Variants in HCN1 observed in about 807,000 individuals in gnomAD.
HCN1 encodes potassium/sodium hyperpolarization-activated cyclic nucleotide-gated channel 1.
HCN1 carries 13 observed loss-of-function variants against 78.9 expected under a neutral mutation model. The observed-to-expected ratio is 0.16, with a 90% CI of 0.11 to 0.26. The LOEUF (loss-of-function observed/expected upper bound fraction) is 0.26, where lower values mean the gene tolerates loss of function less well. HCN1 is among the 10% of genes least tolerant of loss of function. HCN1 has a pLI of 1.00. For missense variants in HCN1, 810 were observed against 1,154.3 expected (o/e 0.70, Z 4.32); for synonymous variants, 552 against 455.5 (o/e 1.21, Z -2.70).
intron 2 of HCN1, among the ~76,000 whole-genome samples, chr5:45,471,496 A>C (rs1007210027): frequency 1.3e-5 from 2 of 151,866 alleles, no homozygotes. Flanking sequence ...ACTCTTAAAA[A>C]GTTTAGTGTC....
intron 5 of HCN1, among the ~76,000 whole-genome samples, chr5:45,335,982 T>C (rs1223503153): frequency 6.6e-6 from 1 of 152,112 alleles, no homozygotes; most frequent in African/African-American, 2.4e-5. Context: ...TTATGTGTTA[T>C]ATAGCTGAAA....
intron 3 of HCN1, among the ~76,000 whole-genome samples, chr5:45,411,853 G>A (rs1248731281): frequency 2.0e-5 from 3 of 152,022 alleles, no homozygotes; most frequent in African/African-American, 4.8e-5. Context: ...AGTACTTTGG[G>A]TATGAAGCAC....
intron 2 of HCN1, among the ~76,000 whole-genome samples, chr5:45,613,758 A>G (rs931994013): frequency 3.9e-5 from 6 of 152,184 alleles, no homozygotes; most frequent in African/African-American, 1.4e-4. Flanking sequence ...ATGTGGAAGG[A>G]ATTCTTTAAT....
intron 2 of HCN1, among the ~76,000 whole-genome samples, chr5:45,504,111 A>C (rs974774470): frequency 9.9e-5 from 15 of 151,968 alleles, no homozygotes; most frequent in African/African-American, 2.4e-4. Flanking sequence ...TCTTCTTCTT[A>C]TTATTATACA....
chr5:45,494,110 A>C (rs1741966238), intron 2 of HCN1, among the ~76,000 whole-genome samples: 1 of 152,124 alleles, frequency 6.6e-6, no homozygotes, highest in Admixed American at 6.5e-5. Context: ...CTTTGGGTAT[A>C]TACCCAGTAA....
chr5:45,353,068 G>T (rs1436230187), intron 5 of HCN1, 32 bp downstream of exon 5: 1 of 1,544,906 alleles, frequency 6.5e-7, no homozygotes, highest in East Asian at 2.3e-5. Flanking sequence ...CAATGATTAT[G>T]TATTATGCAT....
intron 2 of HCN1, among the ~76,000 whole-genome samples, chr5:45,641,302 A>G (rs1480879842): frequency 6.6e-6 from 1 of 152,202 alleles, no homozygotes; most frequent in Non-Finnish European, 1.5e-5. Context: ...TTAGCTCCCT[A>G]TGGAATAAAT....
In HCN1 at chr5:45,295,617, A is replaced by G. The variant is rs558878858; in HGVS notation, c.1618+7982T>C. Among the ~76,000 whole-genome samples, 10 of 152,100 alleles carry G rather than the reference A, an allele frequency of 6.6e-5. No individual in the cohort carries two copies. In the South Asian group the frequency reaches 2.1e-3, roughly 32 times the overall value. On this transcript the variant is annotated intron_variant, in intron 6 of 7. Coordinates refer to ENST00000303230, the MANE Select transcript of HCN1 (RefSeq NM_021072.4). ...AAATCAAGTTATGCACAGAATTCAAAACTTTTGAGTTTGATCTTTCTTTAA... is the reference window on the plus strand; with the variant it reads ...AAATCAAGTTATGCACAGAATTCAAGACTTTTGAGTTTGATCTTTCTTTAA...
chr5:45,629,027 TATTATACA>T (rs1462244280), intron 2 of HCN1, among the ~76,000 whole-genome samples: 2 of 148,940 alleles, frequency 1.3e-5, no homozygotes, highest in Non-Finnish European at 3.0e-5. Flanking sequence ...AAAAAACATA[TATTATACA>T]ATTATTAAAG....
chr5:45,684,941 C>T (rs910519728), intron 1 of HCN1, among the ~76,000 whole-genome samples: 1 of 152,062 alleles, frequency 6.6e-6, no homozygotes, highest in Admixed American at 6.6e-5. Flanking sequence ...CCTCAAACAA[C>T]CTAGGTAGTG....
intron 5 of HCN1, among the ~76,000 whole-genome samples, chr5:45,311,655 G>A (rs1275148113): frequency 1.3e-5 from 2 of 152,144 alleles, no homozygotes; most frequent in African/African-American, 4.8e-5. Flanking sequence ...CCCATAAAAG[G>A]AACAGTTCGA....
chr5:45,372,722 T>C (rs1747437998), intron 4 of HCN1, among the ~76,000 whole-genome samples: 1 of 143,162 alleles, frequency 7.0e-6, no homozygotes, highest in East Asian at 2.1e-4. Context: ...TATAAAAATA[T>C]ATACGTATTT....
intron 3 of HCN1, among the ~76,000 whole-genome samples, chr5:45,449,944 C>T (rs574968320): frequency 2.6e-4 from 39 of 152,160 alleles, no homozygotes; most frequent in African/African-American, 7.9e-4. Flanking sequence ...GCCATTCTCC[C>T]GCCTCAGCCT....
At chr5:45,330,540 A>C in intron 5 of HCN1, among the ~76,000 whole-genome samples, 1 of 150,926 alleles carries the variant, frequency 6.6e-6, no homozygotes, top group South Asian at 2.1e-4. Context: ...ATATATGTAA[A>C]ATCATCTTGC....
intron 3 of HCN1, among the ~76,000 whole-genome samples, chr5:45,458,917 T>C (rs952091443): frequency 6.6e-6 from 1 of 152,160 alleles, no homozygotes; most frequent in African/African-American, 2.4e-5. Flanking sequence ...ATATTGGATT[T>C]GCACTTCTCC....
chr5:45,562,614 C>G lies in HCN1; in HGVS notation c.849+82571G>C, dbSNP rs186145977. ...CCAATATGAAGCTATTAATGAATAT[C>G]TGGGTAAAAATAACAGGCACAAAGG... On this transcript the variant is annotated intron_variant, in intron 2 of 7. Coordinates refer to ENST00000303230, the MANE Select transcript of HCN1 (RefSeq NM_021072.4). 2.6e-5 allele frequency among the ~76,000 whole-genome samples: 4 copies of G among 152,176 alleles called. No homozygotes were observed. The East Asian group carries it at 7.7e-4, about 29-fold the overall frequency.
chr5:45,448,311 G>A (rs576084334), intron 3 of HCN1, among the ~76,000 whole-genome samples: 45 of 152,094 alleles, frequency 3.0e-4, no homozygotes, highest in African/African-American at 3.9e-4. Context: ...GTATTGTCTC[G>A]GAGTTCAATT....
chr5:45,373,497 C>T (rs192283391), intron 4 of HCN1, among the ~76,000 whole-genome samples: 1,903 of 139,094 alleles, frequency 0.014, 21 homozygotes, highest in South Asian at 0.023. Context: ...ACAATATATA[C>T]ATTATATACA....
chr5:45,318,727 A>T (rs1746058753), intron 5 of HCN1, among the ~76,000 whole-genome samples: 1 of 151,842 alleles, frequency 6.6e-6, no homozygotes, highest in Non-Finnish European at 1.5e-5. Flanking sequence ...AAGTTACAAC[A>T]TAACTTGAAG....
Sources: gnomAD v4.1 joint callset for allele counts (sites outside exome capture counted in the v4.1 genomes callset) on GRCh38, gnomAD v4.1.1 for gene constraint, MANE v1.5 for transcripts, NCBI Gene and HGNC (gene_info 2026-07-23, HGNC 2026-07-21) for gene names.